NLRC5: variants seen among roughly 807,000 people sequenced by gnomAD.
The protein encoded by NLRC5 is NLR family CARD domain containing 5, also known as protein NLRC5.
In NLRC5, 114 loss-of-function variants were observed where a neutral mutation model predicts 206.9. The ratio of observed to expected loss-of-function variants is 0.55; its 90% CI spans 0.47 to 0.64. The LOEUF (loss-of-function observed/expected upper bound fraction) is 0.64. Ranked by LOEUF, NLRC5 falls within the 30% of genes least tolerant of loss-of-function variation. The pLI, the probability that NLRC5 is intolerant of heterozygous loss-of-function variation, is 0.00. For missense variants in NLRC5, 2,008 were observed against 2,305.5 expected, an observed-to-expected ratio of 0.87 and a Z score of 2.64; for synonymous variants, 952 against 962.8, an observed-to-expected ratio of 0.99 and a Z score of 0.21.
rs543977693 is a variant in NLRC5, at chr16:57,023,542, G to A, written c.356-243G>A. 1.5e-3 allele frequency among the ~76,000 whole-genome samples: 228 copies of A among 152,246 alleles called. 1 individual carries two copies. The highest frequency in any genetic ancestry group is 5.4e-3 in the African/African-American group (223 of 41,520). ...TGTTGGCCCTGCTTCCTGCATCCTG[G>A]ACTGCAAGACTGCCAGGCCCAGAAC... On this transcript the variant is annotated intron_variant, in intron 4 of 48. Coordinates refer to ENST00000688547, the MANE Select transcript of NLRC5 (RefSeq NM_001384950.1).
At chr16:57,005,647 A>C (rs770298365) in intron 1 of NLRC5, among the ~76,000 whole-genome samples, 3 of 152,008 alleles carry the variant, frequency 2.0e-5, no homozygotes, top group Non-Finnish European at 4.4e-5. Flanking sequence ...GGCCAGGTGC[A>C]GTGGCTCACA....
At chr16:57,051,019 A>AT (rs1287862110) in intron 23 of NLRC5, among the ~76,000 whole-genome samples, 15 of 150,314 alleles carry the variant, frequency 1.0e-4, no homozygotes, top group South Asian at 2.1e-4. Context: ...CGCCTGGCTA[A>AT]TTTTTTTTTC....
Position 57,074,581 on chromosome 16 carries a change from C to T in NLRC5, c.4668-19C>T. On this transcript the variant is annotated intron_variant, in intron 38 of 48. Coordinates refer to ENST00000688547, the MANE Select transcript of NLRC5 (RefSeq NM_001384950.1). ...CCCCACCCCCAGATGTCAAGTTCAC[C>T]TGGCCTCCTCTTCTCCAGCCTCAGT... 1 of 1,612,806 alleles carries T rather than the reference C, an allele frequency of 6.2e-7. No individual in the cohort carries two copies. The highest frequency in any genetic ancestry group is 8.5e-7 in the Non-Finnish European group (1 of 1,178,864).
chr16:57,007,568 C>CA (rs555831915), intron 1 of NLRC5, among the ~76,000 whole-genome samples: 8,143 of 142,140 alleles, frequency 0.057, 272 homozygotes, highest in East Asian at 0.17. Context: ...ATTAAAAATA[C>CA]AAAAAAAAAA....
intron 1 of NLRC5, among the ~76,000 whole-genome samples, chr16:57,016,323 C>T (rs2060101638): frequency 6.6e-6 from 1 of 152,256 alleles, no homozygotes; most frequent in South Asian, 2.1e-4. Context: ...TACCATACTA[C>T]ATACCACCTC....
In NLRC5 at chr16:57,067,490, G is replaced by C. The variant is rs2067195007; in HGVS notation, c.4406+20G>C. ...GCTCAGGTCAGCGCCTGGAAACTCTGTGTGGGGCCCTGAGTTCTCTGGTTG... is the reference window on the plus strand; with the variant it reads ...GCTCAGGTCAGCGCCTGGAAACTCTCTGTGGGGCCCTGAGTTCTCTGGTTG... On this transcript the variant is annotated intron_variant, in intron 35 of 48. Transcript: ENST00000688547. The C allele has an allele frequency of 6.2e-7, 1 of 1,612,262 alleles. No individual in the cohort carries two copies. Among genetic ancestry groups the C allele is most frequent in the African/African-American group, 1.3e-5 (1 of 74,902 alleles).
rs71383218 is a variant in NLRC5, at chr16:57,078,466, G to GTTTTTTTTTTTTTTTTTTTTTT, written c.5081+449_5081+470dup. On this transcript the variant is annotated intron_variant, in intron 43 of 48. Coordinates refer to ENST00000688547, the MANE Select transcript of NLRC5 (RefSeq NM_001384950.1). ...CAGAGTCCCAGAGTGCTGGGACCTT[G>GTTTTTTTTTTTTTTTTTTTTTT]TTTTTTTTTTTTTTTTTTTTTTTTA... Among the ~76,000 whole-genome samples, 4 of 92,208 alleles carry GTTTTTTTTTTTTTTTTTTTTTT rather than the reference G, an allele frequency of 4.3e-5. 1 individual carries two copies. Among genetic ancestry groups the GTTTTTTTTTTTTTTTTTTTTTT allele is most frequent in the African/African-American group, 2.0e-4 (4 of 20,062 alleles). The allele number at this position is 92,208 out of a possible 152,430, so 60.5% of individuals were successfully genotyped here. A position where few individuals can be genotyped will look rare whatever the true frequency, so the allele number is the denominator to read the frequency against.
chr16:57,006,129 G>A (rs1367729144), intron 1 of NLRC5, among the ~76,000 whole-genome samples: 1 of 151,632 alleles, frequency 6.6e-6, no homozygotes, highest in Non-Finnish European at 1.5e-5. Flanking sequence ...CTTGCGGGTA[G>A]CTTGGACAAC....
At chr16:57,040,742 G>A (rs1242526626) in intron 17 of NLRC5, 24 bp downstream of exon 17, 5 of 1,610,726 alleles carry the variant, frequency 3.1e-6, no homozygotes, top group Non-Finnish European at 4.2e-6. Flanking sequence ...CTCCAGCCCT[G>A]TGTGTGATTC....
intron 1 of NLRC5, among the ~76,000 whole-genome samples, chr16:57,003,606 T>TG (rs1177727198): frequency 6.6e-6 from 1 of 151,960 alleles, no homozygotes; most frequent in South Asian, 2.1e-4. Context: ...CCCCGCCCAC[T>TG]GGGGGTGCAG....
rs191379199 is a variant in NLRC5 at position 57,047,542 on chromosome 16, C to T, written c.3339-3C>T. On this transcript the variant is annotated splice_region_variant and splice_polypyrimidine_tract_variant and intron_variant, in intron 22 of 48. Transcript: ENST00000688547. Reference sequence around the variant, plus strand: ...CCCTGCCCTGCCCATTGCCCCTTTGCAGCCTCAGTGAGTGTCCTCTGGAGC... The same window carrying T: ...CCCTGCCCTGCCCATTGCCCCTTTGTAGCCTCAGTGAGTGTCCTCTGGAGC... 8 of 1,610,934 alleles carry T rather than the reference C, an allele frequency of 5.0e-6. No homozygotes were observed. In the Admixed American group the frequency reaches 5.0e-5, roughly 10 times the overall value.
chr16:57,061,752 A>C, intron 32 of NLRC5, 51 bp downstream of exon 32: 2 of 1,579,188 alleles, frequency 1.3e-6, no homozygotes, highest in Non-Finnish European at 1.7e-6. Context: ...GAATGGGAGC[A>C]GGGGTGGGCA....
intron 21 of NLRC5, among the ~76,000 whole-genome samples, chr16:57,045,965 G>C (rs1377701625): frequency 6.6e-6 from 1 of 152,246 alleles, no homozygotes; most frequent in African/African-American, 2.4e-5. Flanking sequence ...GATGTTCCCG[G>C]CTGCCCTCTA....
intron 2 of NLRC5, among the ~76,000 whole-genome samples, chr16:57,019,939 G>A (rs1321915562): frequency 2.6e-5 from 4 of 152,088 alleles, no homozygotes; most frequent in African/African-American, 7.2e-5. Context: ...GCATCCTCAC[G>A]GGACTGTCCA....
chr16:57,049,189 G>A (rs2064465420), intron 23 of NLRC5, among the ~76,000 whole-genome samples: 1 of 152,126 alleles, frequency 6.6e-6, no homozygotes, highest in South Asian at 2.1e-4. Flanking sequence ...CGTATTCAAA[G>A]CCATCCTAGG....
At chr16:57,042,423 T>C (rs1374914777) in intron 19 of NLRC5, among the ~76,000 whole-genome samples, 3 of 151,986 alleles carry the variant, frequency 2.0e-5, no homozygotes, top group Non-Finnish European at 4.4e-5. Flanking sequence ...GGCTGTTAGC[T>C]GGGGTATGGT....
chr16:57,075,137 C>T (rs527657797), intron 39 of NLRC5, among the ~76,000 whole-genome samples: 14 of 150,108 alleles, frequency 9.3e-5, no homozygotes, highest in African/African-American at 3.2e-4. Context: ...AACTCCTGGG[C>T]GAACGTGATC....
At chr16:57,008,851 C>G (rs765144297) in intron 1 of NLRC5, among the ~76,000 whole-genome samples, 5 of 152,018 alleles carry the variant, frequency 3.3e-5, no homozygotes, top group Non-Finnish European at 5.9e-5. Context: ...AATTACAGAA[C>G]TAGAAAAGGG....
At chr16:57,046,425 C>T in intron 21 of NLRC5, 127 bp from the exon 22 acceptor site, 4 of 696,978 alleles carry the variant, frequency 5.7e-6, no homozygotes, top group Non-Finnish European at 1.0e-5. Context: ...CTTTCCAAGT[C>T]TGGGAGTCCA....
Sources: gnomAD v4.1 joint callset for allele counts (sites outside exome capture counted in the v4.1 genomes callset) on GRCh38, gnomAD v4.1.1 for gene constraint, MANE v1.5 for transcripts, NCBI Gene and HGNC (gene_info 2026-07-23, HGNC 2026-07-21) for gene names.